The following IGF2BP3 variants were observed in gnomAD, a reference collection of about 807,000 sequenced individuals.
IGF2BP3 encodes insulin like growth factor 2 mRNA binding protein 3, also known as insulin-like growth factor 2 mRNA-binding protein 3.
Under a neutral mutation model 73.8 loss-of-function variants are expected in IGF2BP3, and 9 were observed. The ratio of observed to expected loss-of-function variants is 0.12; its 90% confidence interval spans 0.07 to 0.21. IGF2BP3 has a LOEUF of 0.21. Ranked by LOEUF, IGF2BP3 falls within the 10% of genes least tolerant of loss-of-function variation. IGF2BP3 has a pLI of 1.00. For synonymous variants in IGF2BP3, 258 were observed against 256.7 expected (o/e 1.01, Z -0.05); for missense variants, 542 against 714.0 (o/e 0.76, Z 2.75).
At chr7:23,428,446 T>G (rs2128540522) in intron 2 of IGF2BP3, among the ~76,000 whole-genome samples, 1 of 151,972 alleles carries the variant, frequency 6.6e-6, no homozygotes, top group South Asian at 2.1e-4. Context: ...CACTCCAGCC[T>G]GGGCGACAGA....
intron 10 of IGF2BP3, among the ~76,000 whole-genome samples, chr7:23,329,212 C>CA (rs1216605827): frequency 0.028 from 3,730 of 131,522 alleles, 98 homozygotes; most frequent in African/African-American, 0.081. Flanking sequence ...GACTCCGTCT[C>CA]AAAAAAAAAA....
At chr7:23,399,260 T>C (rs1157065046) in intron 3 of IGF2BP3, among the ~76,000 whole-genome samples, 3 of 152,244 alleles carry the variant, frequency 2.0e-5, no homozygotes, top group Admixed American at 6.5e-5. Flanking sequence ...TTCTGTTCCA[T>C]TGATCTATAC....
intron 2 of IGF2BP3, among the ~76,000 whole-genome samples, chr7:23,448,003 A>G (rs913876263): frequency 6.6e-6 from 1 of 152,104 alleles, no homozygotes; most frequent in African/African-American, 2.4e-5. Flanking sequence ...AAAAGACAAG[A>G]ACCTATCCAG....
chr7:23,335,288 ATT>A (rs5882901), intron 10 of IGF2BP3, among the ~76,000 whole-genome samples: 1 of 145,798 alleles, frequency 6.9e-6, no homozygotes, highest in African/African-American at 2.5e-5. Context: ...CCAACTCATA[ATT>A]TTTTTTTTTT....
chr7:23,342,569 T>C (rs1023527881), intron 9 of IGF2BP3, among the ~76,000 whole-genome samples: 23 of 152,268 alleles, frequency 1.5e-4, no homozygotes, highest in African/African-American at 4.3e-4. Flanking sequence ...GATTGGTTCA[T>C]TGAAAAGCAA....
intron 3 of IGF2BP3, among the ~76,000 whole-genome samples, chr7:23,384,280 G>C (rs1018275297): frequency 1.6e-4 from 25 of 151,974 alleles, no homozygotes; most frequent in African/African-American, 5.8e-4. Context: ...GGACTAAGTG[G>C]GGTGGGGTGA....
At chr7:23,451,766 T>C (rs1237228436) in intron 2 of IGF2BP3, among the ~76,000 whole-genome samples, 5 of 151,766 alleles carry the variant, frequency 3.3e-5, no homozygotes, top group Admixed American at 2.0e-4. Flanking sequence ...CTGGCCAACG[T>C]AGTGAAACCC....
intron 3 of IGF2BP3, among the ~76,000 whole-genome samples, chr7:23,416,920 T>C (rs1321980340): frequency 6.6e-6 from 1 of 152,062 alleles, no homozygotes; most frequent in South Asian, 2.1e-4. Flanking sequence ...CCAGGCGTGG[T>C]TGGCGGATGC....
At chr7:23,399,467 A>G (rs1786591294) in intron 3 of IGF2BP3, among the ~76,000 whole-genome samples, 2 of 151,956 alleles carry the variant, frequency 1.3e-5, no homozygotes, top group East Asian at 1.9e-4. Flanking sequence ...GCCAGGCACT[A>G]GAACCTGGGA....
In IGF2BP3 at chr7:23,311,018, T is replaced by C. The variant is rs968203856; in HGVS notation, c.*1344A>G. ...TCATTCAAATTATATCCCAAAAACT[T>C]TTCTTGTATTCTCTATCTTTTGACT... is the stretch of plus-strand genomic sequence containing the variant. On this transcript the variant is annotated 3_prime_UTR_variant, in exon 15 of 15. Coordinates refer to ENST00000258729, the MANE Select transcript of IGF2BP3 (RefSeq NM_006547.3). The C allele has an allele frequency of 1.3e-5, 2 of 152,156 alleles. No individual in the cohort carries two copies. The highest frequency in any genetic ancestry group is 4.8e-5 in the African/African-American group (2 of 41,442). 9.4% of individuals were successfully genotyped at this position (152,156 alleles called of 1,614,324 possible). A position where few individuals can be genotyped will look rare whatever the true frequency, so the allele number is the denominator to read the frequency against.
chr7:23,310,468 A>T lies in IGF2BP3; in HGVS notation c.*1894T>A, dbSNP rs148088455. ...AGATATAAATGCAGCACCTATGTGT[A>T]TATTTTTAAAAAATCAAATATTGGG... On this transcript the variant is annotated 3_prime_UTR_variant, in exon 15 of 15. Transcript: ENST00000258729. The T allele has an allele frequency of 6.6e-6, 1 of 152,242 alleles. No homozygotes were observed. The highest frequency in any genetic ancestry group is 2.4e-5 in the African/African-American group (1 of 41,456). The allele number at this position is 152,242 out of a possible 1,614,324, so 9.4% of individuals were successfully genotyped here. A position where few individuals can be genotyped will look rare whatever the true frequency, so the allele number is the denominator to read the frequency against.
chr7:23,447,303 C>T (rs1788089268), intron 2 of IGF2BP3, among the ~76,000 whole-genome samples: 1 of 151,750 alleles, frequency 6.6e-6, no homozygotes, highest in Non-Finnish European at 1.5e-5. Flanking sequence ...AAAAAACTAG[C>T]TTATACTCCT....
At chr7:23,317,900 T>C (rs1235577964) in intron 11 of IGF2BP3, 187 bp from the exon 12 acceptor site, 7 of 600,178 alleles carry the variant, frequency 1.2e-5, no homozygotes, top group African/African-American at 7.4e-5. Flanking sequence ...ATATACTATA[T>C]GCTTATTCTG....
intron 3 of IGF2BP3, among the ~76,000 whole-genome samples, chr7:23,363,797 A>C: frequency 6.6e-6 from 1 of 152,232 alleles, no homozygotes; most frequent in Non-Finnish European, 1.5e-5. Flanking sequence ...TCTTATAGGA[A>C]GAGTACTCTG....
intron 3 of IGF2BP3, chr7:23,402,223 A>C (rs1484259917): frequency 6.6e-6 from 1 of 152,240 alleles, no homozygotes; most frequent in Non-Finnish European, 1.5e-5. Context: ...ATTAGAAATC[A>C]GATCATCTAA....
chr7:23,427,823 T>C (rs1787554935), intron 2 of IGF2BP3, among the ~76,000 whole-genome samples: 1 of 151,606 alleles, frequency 6.6e-6, no homozygotes, highest in Non-Finnish European at 1.5e-5. Flanking sequence ...CTGGCCAAGA[T>C]GGTGAAATCC....
At chr7:23,447,630 AAAC>A (rs1431474898) in intron 2 of IGF2BP3, among the ~76,000 whole-genome samples, 2 of 152,028 alleles carry the variant, frequency 1.3e-5, no homozygotes, top group Admixed American at 6.6e-5. Context: ...TCTCAGAAAA[AAAC>A]AACAACAACA....
intron 3 of IGF2BP3, among the ~76,000 whole-genome samples, chr7:23,403,656 T>TA (rs1786738245): frequency 6.6e-6 from 1 of 152,234 alleles, no homozygotes; most frequent in Non-Finnish European, 1.5e-5. Context: ...CAGTAGCAGC[T>TA]AAAAAAGGAG....
chr7:23,346,081 C>A lies in IGF2BP3; in HGVS notation c.819-19G>T. On this transcript the variant is annotated intron_variant, in intron 7 of 14. Transcript: ENST00000258729. Reference sequence around the variant, plus strand: ...TTCTGTGCTGTAAATAGAAAAGTGGCCATAAAATTAGAATAAGTAAACCTA... The same window carrying A: ...TTCTGTGCTGTAAATAGAAAAGTGGACATAAAATTAGAATAAGTAAACCTA... 6.3e-7 allele frequency: 1 copy of A among 1,594,616 alleles called. No individual in the cohort carries two copies. The highest frequency in any genetic ancestry group is 8.5e-7 in the Non-Finnish European group (1 of 1,174,416).
Sources: gnomAD v4.1 joint callset for allele counts (sites outside exome capture counted in the v4.1 genomes callset) on GRCh38, gnomAD v4.1.1 for gene constraint, MANE v1.5 for transcripts, NCBI Gene and HGNC (gene_info 2026-07-23, HGNC 2026-07-21) for gene names.